C6: variants seen among roughly 807,000 people sequenced by gnomAD.
C6 encodes complement C6.
In C6, 101 loss-of-function variants were observed where a neutral mutation model predicts 112.9. The observed-to-expected ratio is 0.89, with a 90% CI of 0.76 to 1.06. The LOEUF is 1.06. Among genes scored for constraint, C6 ranks in the 50% least tolerant of loss-of-function variants. The pLI, the probability that C6 is intolerant of heterozygous loss-of-function variation, is 0.00. For missense variants in C6, 1,202 were observed against 1,104.6 expected (o/e 1.09, Z -1.25); for synonymous variants, 431 against 384.1 (o/e 1.12, Z -1.43).
At chr5:41,206,437 GA>G (rs1751440933) in intron 1 of C6, among the ~76,000 whole-genome samples, 1 of 152,198 alleles carries the variant, frequency 6.6e-6, no homozygotes, top group African/African-American at 2.4e-5. Context: ...TGAGCTAAAG[GA>G]GGATGTTTGA....
At chr5:41,234,357 G>GTTTTT (rs1214001006) in intron 1 of C6, among the ~76,000 whole-genome samples, 3 of 125,684 alleles carry the variant, frequency 2.4e-5, no homozygotes, top group African/African-American at 1.1e-4. Context: ...TTTGTTTTTT[G>GTTTTT]TTTTTTGTTT....
intron 7 of C6, among the ~76,000 whole-genome samples, 172 bp downstream of exon 7, chr5:41,181,187 A>G (rs1749310725): frequency 6.6e-6 from 1 of 152,134 alleles, no homozygotes; most frequent in Non-Finnish European, 1.5e-5. Context: ...AATATACATA[A>G]TATTTCTATA....
At chr5:41,208,977 A>C (rs1751671390) in intron 1 of C6, among the ~76,000 whole-genome samples, 1 of 152,150 alleles carries the variant, frequency 6.6e-6, no homozygotes. Flanking sequence ...CCTCAATAAA[A>C]TACTGGCAAA....
chr5:41,197,219 A>C (rs865950333), intron 4 of C6, among the ~76,000 whole-genome samples: 2 of 152,156 alleles, frequency 1.3e-5, no homozygotes, highest in Non-Finnish European at 2.9e-5. Flanking sequence ...TAAAATAATT[A>C]CATTTTCCAT....
chr5:41,159,395 A>G (rs1747255101), intron 11 of C6, 142 bp from the exon 12 acceptor site: 1 of 1,445,460 alleles, frequency 6.9e-7, no homozygotes, highest in South Asian at 1.5e-5. Context: ...GGATTAAAAG[A>G]AATTACCTGT....
intron 1 of C6, among the ~76,000 whole-genome samples, chr5:41,234,762 C>T (rs1253603098): frequency 6.6e-6 from 1 of 152,010 alleles, no homozygotes; most frequent in East Asian, 1.9e-4. Context: ...GTTAAATCAG[C>T]TTTATAATCA....
intron 1 of C6, among the ~76,000 whole-genome samples, chr5:41,239,337 C>T (rs971649096): frequency 6.6e-6 from 1 of 151,988 alleles, no homozygotes. Flanking sequence ...GTCTCGAACT[C>T]CTGACCTCAA....
At chr5:41,144,886 C>G (rs770891113) in intron 17 of C6, among the ~76,000 whole-genome samples, 35 of 152,160 alleles carry the variant, frequency 2.3e-4, no homozygotes, top group Non-Finnish European at 5.9e-5. Context: ...GCTTCCAGCT[C>G]CATCCATGTT....
chr5:41,160,496 T>G lies in C6; in HGVS notation c.1459-129A>C, dbSNP rs1341820625. Reference sequence around the variant, plus strand: ...ACACTTCAAAGGGATTATTGCAGAATATAGTATTGCACCTGTTGAACCAGT... The same window carrying G: ...ACACTTCAAAGGGATTATTGCAGAAGATAGTATTGCACCTGTTGAACCAGT... On this transcript the variant is annotated intron_variant, in intron 10 of 17. Transcript: ENST00000337836. 6.7e-6 allele frequency: 5 copies of G among 745,974 alleles called. No individual in the cohort carries two copies. In the African/African-American group the frequency reaches 8.6e-5, roughly 13 times the overall value. The allele number at this position is 745,974 out of a possible 1,614,324, so 46.2% of individuals were successfully genotyped here.
At chr5:41,207,304 A>G (rs1284974728) in intron 1 of C6, among the ~76,000 whole-genome samples, 1 of 152,226 alleles carries the variant, frequency 6.6e-6, no homozygotes, top group Non-Finnish European at 1.5e-5. Flanking sequence ...CAATGCTAGG[A>G]AGAAACTGCA....
chr5:41,144,948 G>A (rs1833864), intron 17 of C6, among the ~76,000 whole-genome samples: 107,758 of 152,110 alleles, frequency 0.71, 38,366 homozygotes, highest in African/African-American at 0.74. Context: ...GCATTCCATG[G>A]TATATTTGTA....
chr5:41,232,654 G>A (rs1440521769), intron 1 of C6, among the ~76,000 whole-genome samples: 1 of 151,908 alleles, frequency 6.6e-6, no homozygotes, highest in African/African-American at 2.4e-5. Flanking sequence ...ATACAGAAAA[G>A]TAAAAAAAAT....
chr5:41,172,187 GGCACACTGGATAAGCT>G (rs1231728244), intron 9 of C6, 22 bp downstream of exon 9: 1 of 1,610,102 alleles, frequency 6.2e-7, no homozygotes, highest in Non-Finnish European at 8.5e-7. Context: ...CCAGGCTCAG[GGCACACTGGATAAGCT>G]GCTAAGAGAG....
Position 41,160,331 on chromosome 5 carries a change from A to C in C6, c.1495T>G (p.Cys499Gly). The change falls in exon 11 of 18, where the codon TGT becomes GGT. Residue 499 changes from cysteine to glycine, a missense_variant. Transcript: ENST00000337836. ...AGGTTGTTCCGTTTTGTCACTGCAC[A>C]GGGGATGTTTCTTACCAAGTCCACG... Reference protein sequence around the residue: ...PIVDLVRNIPCAVTKRNNLRK... With the variant: ...PIVDLVRNIPGAVTKRNNLRK... 1.2e-6 allele frequency: 2 copies of C among 1,613,794 alleles called. No homozygotes were observed. The highest frequency in any genetic ancestry group is 2.2e-5 in the South Asian group (2 of 91,080).
At chr5:41,236,386 G>C (rs1330249421) in intron 1 of C6, among the ~76,000 whole-genome samples, 1 of 151,650 alleles carries the variant, frequency 6.6e-6, no homozygotes, top group African/African-American at 2.4e-5. Context: ...TCAGATAGTT[G>C]TAGATATGCG....
chr5:41,172,350 AG>A lies in C6; in HGVS notation c.1169-4del. The A allele has an allele frequency of 1.9e-6, 3 of 1,613,452 alleles. No individual in the cohort carries two copies. The South Asian group carries it at 3.3e-5, about 18-fold the overall frequency. On this transcript the variant is annotated splice_polypyrimidine_tract_variant and splice_region_variant and intron_variant, in intron 8 of 17. Coordinates refer to ENST00000337836, the MANE Select transcript of C6 (RefSeq NM_000065.5). ...TTTGGCTTCTTCCTCGGTTAAACCT[AG>A]GAGATGAAGTACAAACAGAAACCAC...
At chr5:41,217,313 A>C (rs16871019), upstream of C6, among the ~76,000 whole-genome samples, 3 of 151,884 alleles carry the variant, frequency 2.0e-5, no homozygotes, top group Non-Finnish European at 4.4e-5. Context: ...ATTATTGCCC[A>C]CTCTTAGTCC....
chr5:41,235,103 T>G (rs1260958737), intron 1 of C6, among the ~76,000 whole-genome samples: 1 of 150,520 alleles, frequency 6.6e-6, no homozygotes, highest in African/African-American at 2.5e-5. Flanking sequence ...TACTTTAAGT[T>G]TTAGGGTACA....
At chr5:41,196,518 A>G (rs921938106) in intron 4 of C6, among the ~76,000 whole-genome samples, 2 of 152,056 alleles carry the variant, frequency 1.3e-5, no homozygotes, top group Non-Finnish European at 2.9e-5. Flanking sequence ...ATCTCGATAT[A>G]GAAATCTGTA....
Sources: allele counts gnomAD v4.1 joint callset (sites outside exome capture counted in the v4.1 genomes callset), GRCh38; gene constraint gnomAD v4.1.1; transcripts MANE v1.5; gene names NCBI Gene and HGNC (gene_info 2026-07-23, HGNC 2026-07-21).